Variants in ZNF18 observed in about 807,000 individuals in gnomAD.
ZNF18 encodes heart development-specific gene 1 protein.
Under a neutral mutation model 58.1 loss-of-function variants are expected in ZNF18, and 42 were observed. That is an observed-to-expected ratio of 0.72 (90% CI 0.56 to 0.93). The LOEUF is 0.93. Among genes scored for constraint, ZNF18 ranks in the 40% least tolerant of loss-of-function variants. The pLI is 0.00. For synonymous variants in ZNF18, 231 were observed against 239.8 expected (o/e 0.96, Z 0.34); for missense variants, 540 against 644.2 (o/e 0.84, Z 1.75).
chr17:12,009,785 C>T, the ZNF18 span, among the ~76,000 whole-genome samples: 1 of 152,066 alleles, frequency 6.6e-6, no homozygotes, highest in Non-Finnish European at 1.5e-5. Context: ...CCTCCTTGCT[C>T]CTGCCTGCGT....
chr17:11,984,932 A>G (rs1024717817), intron 4 of ZNF18, among the ~76,000 whole-genome samples: 3 of 152,236 alleles, frequency 2.0e-5, no homozygotes, highest in Admixed American at 6.5e-5. Context: ...AAAAGCAAAG[A>G]AAGAAGTTAA....
chr17:11,978,354 TA>T lies in ZNF18; in HGVS notation c.1252del (p.Tyr418IlefsTer35). On this transcript the variant is annotated frameshift_variant, in exon 7 of 7. Transcript: ENST00000580306. LOFTEE classifies it high-confidence loss of function. The stretch of plus-strand genomic sequence containing the variant: ...GTGAAAAATAAGCTGAGAATTCCTA[TA>T]AAAGGTCTTCCCACACTCCCTGCAG... ...PTCRECGKTF[Y>X]RNSQLIFHQR... 2 of 1,574,876 alleles carry T rather than the reference TA, an allele frequency of 1.3e-6. No individual in the cohort carries two copies. The highest frequency in any genetic ancestry group is 1.4e-5 in the African/African-American group (1 of 73,342).
chr17:11,990,947 G>C, intron 3 of ZNF18, 27 bp downstream of exon 3: 1 of 1,597,350 alleles, frequency 6.3e-7, no homozygotes, highest in African/African-American at 1.3e-5. Context: ...ATCTCTCCAA[G>C]AGAACACCAC....
chr17:11,997,947 TC>T (rs988957379), upstream of ZNF18, among the ~76,000 whole-genome samples: 6 of 152,286 alleles, frequency 3.9e-5, no homozygotes, highest in Admixed American at 3.3e-4. Context: ...GTCTTGGTTC[TC>T]CCACTCTCAT....
chr17:11,981,490 T>G (rs561047554), intron 6 of ZNF18, among the ~76,000 whole-genome samples: 30 of 151,348 alleles, frequency 2.0e-4, no homozygotes, highest in East Asian at 7.8e-4. Context: ...GGTTTTTTGT[T>G]TTTTTTTGCA....
intron 6 of ZNF18, among the ~76,000 whole-genome samples, chr17:11,981,055 T>C (rs1967309286): frequency 6.6e-6 from 1 of 152,182 alleles, no homozygotes; most frequent in South Asian, 2.1e-4. Context: ...TATGGTCAAC[T>C]ATAACAGCAT....
chr17:11,988,548 A>T (rs1046078893), intron 4 of ZNF18, among the ~76,000 whole-genome samples: 2 of 152,090 alleles, frequency 1.3e-5, no homozygotes, highest in Non-Finnish European at 2.9e-5. Context: ...AAAGAATCAG[A>T]GGGAACAATC....
At chr17:12,012,849 G>A in the ZNF18 span, among the ~76,000 whole-genome samples, 3 of 151,954 alleles carry the variant, frequency 2.0e-5, no homozygotes, top group East Asian at 3.9e-4. Context: ...CCGCATCTTC[G>A]CATTTTTAAA....
intron 6 of ZNF18, among the ~76,000 whole-genome samples, chr17:11,981,296 T>C (rs765523524): frequency 1.3e-5 from 2 of 150,600 alleles, no homozygotes; most frequent in Non-Finnish European, 3.0e-5. Context: ...TTCATCTTCC[T>C]AAACCTCTTT....
chr17:11,990,339 A>G (rs1968025498), intron 4 of ZNF18, 123 bp downstream of exon 4: 1 of 731,676 alleles, frequency 1.4e-6, no homozygotes, highest in African/African-American at 1.8e-5. Flanking sequence ...GTAAACTAAC[A>G]TATGGTGACA....
intron 4 of ZNF18, among the ~76,000 whole-genome samples, chr17:11,988,770 T>C (rs1246463736): frequency 6.7e-6 from 1 of 149,788 alleles, no homozygotes; most frequent in African/African-American, 2.6e-5. Context: ...AGAACATTTA[T>C]AGTAATACAA....
chr17:11,989,074 G>C (rs1281080634), intron 4 of ZNF18, among the ~76,000 whole-genome samples: 1 of 151,840 alleles, frequency 6.6e-6, no homozygotes, highest in Admixed American at 6.6e-5. Context: ...CAGGAGAATT[G>C]CTTGAACCAA....
chr17:11,978,016 A>G lies in ZNF18; in HGVS notation c.1591T>C (p.Trp531Arg). The change falls in exon 7 of 7, where the codon TGG becomes CGG. Residue 531 changes from tryptophan (W) to arginine (R), a missense_variant. Transcript: ENST00000580306. ...KCSHCGKSFS[W>R]SSSLDKHQRS... The stretch of plus-strand genomic sequence containing the variant: ...TGATGTTTGTCAAGGCTCGAGCTCC[A>G]GCTGAAACTTTTCCCACAGTGCGAA... The G allele has an allele frequency of 6.2e-7, 1 of 1,605,344 alleles. No individual in the cohort carries two copies.
At chr17:11,979,670 C>T (rs76222693) in intron 6 of ZNF18, among the ~76,000 whole-genome samples, 1,653 of 152,246 alleles carry the variant, frequency 0.011, 33 homozygotes, top group African/African-American at 0.038. Flanking sequence ...ATTTACCTTT[C>T]TCTTTCACAT....
intron 6 of ZNF18, 96 bp from the exon 7 acceptor site, chr17:11,978,840 C>CT (rs56969015): frequency 0.021 from 2,486 of 120,344 alleles, 136 homozygotes; most frequent in South Asian, 0.042. Flanking sequence ...CATTCATTTT[C>CT]TTTTTTTTTT....
At chr17:12,020,389 T>C in the ZNF18 span, among the ~76,000 whole-genome samples, 16 of 152,240 alleles carry the variant, frequency 1.1e-4, no homozygotes, top group South Asian at 3.1e-3. Flanking sequence ...GTATTGGGCT[T>C]AAGAGGAGTT....
At chr17:11,990,287 G>C (rs1213578432) in intron 4 of ZNF18, among the ~76,000 whole-genome samples, 175 bp downstream of exon 4, 3 of 152,052 alleles carry the variant, frequency 2.0e-5, no homozygotes, top group Non-Finnish European at 4.4e-5. Flanking sequence ...AAAGATAAGA[G>C]TACATTTGGC....
the ZNF18 span, among the ~76,000 whole-genome samples, chr17:12,004,636 C>T: frequency 6.6e-6 from 1 of 151,938 alleles, no homozygotes; most frequent in African/African-American, 2.4e-5. Context: ...GCCTGTAATC[C>T]CAGCACTTTG....
chr17:11,994,849 A>G (rs1191651238), intron 1 of ZNF18, among the ~76,000 whole-genome samples: 1 of 152,208 alleles, frequency 6.6e-6, no homozygotes, highest in Non-Finnish European at 1.5e-5. Flanking sequence ...TCAAAAAAAA[A>G]AGAAAAAGAA....
Sources: gnomAD v4.1 joint callset for allele counts (sites outside exome capture counted in the v4.1 genomes callset) on GRCh38, gnomAD v4.1.1 for gene constraint, MANE v1.5 for transcripts, NCBI Gene and HGNC (gene_info 2026-07-23, HGNC 2026-07-21) for gene names.